PLSCR2: variants seen among roughly 807,000 people sequenced by gnomAD.
PLSCR2 encodes phospholipid scramblase 2.
In PLSCR2, 18 loss-of-function variants were observed where a neutral mutation model predicts 25.3. The ratio of observed to expected loss-of-function variants is 0.71; its 90% confidence interval spans 0.49 to 1.06. PLSCR2 has a LOEUF of 1.06. Ranked by LOEUF, PLSCR2 falls within the 50% of genes least tolerant of loss-of-function variation. PLSCR2 has a pLI of 0.00. For missense variants in PLSCR2, 243 were observed against 269.5 expected (o/e 0.90, Z 0.69); for synonymous variants, 88 against 87.3 (o/e 1.01, Z -0.04).
chr3:146,394,329 G>A (rs1336186631), intron 3 of PLSCR2, among the ~76,000 whole-genome samples: 1 of 151,818 alleles, frequency 6.6e-6, no homozygotes, highest in Non-Finnish European at 1.5e-5. Flanking sequence ...GTGCAGTGGT[G>A]CAATCTCAGC....
chr3:146,451,114 T>C (rs1004908421), intron 5 of PLSCR2, among the ~76,000 whole-genome samples: 200 of 141,500 alleles, frequency 1.4e-3, no homozygotes, highest in African/African-American at 4.9e-3. Context: ...TTTCTTTTTT[T>C]TTTTTTTTTT....
chr3:146,395,202 G>A (rs897798014), intron 3 of PLSCR2, among the ~76,000 whole-genome samples: 2 of 152,012 alleles, frequency 1.3e-5, no homozygotes, highest in African/African-American at 2.4e-5. Flanking sequence ...CAAATAAAAC[G>A]CTAAACATAT....
At chr3:146,407,537 G>A (rs61018718) in intron 2 of PLSCR2, among the ~76,000 whole-genome samples, 37,766 of 152,012 alleles carry the variant, frequency 0.25, 4,898 homozygotes, top group Admixed American at 0.34. Context: ...CTGGGTGCAG[G>A]TTGTGCACTG....
intron 2 of PLSCR2, among the ~76,000 whole-genome samples, chr3:146,407,553 C>A (rs2038695904): frequency 6.6e-6 from 1 of 152,142 alleles, no homozygotes; most frequent in African/African-American, 2.4e-5. Context: ...CACTGGAGAG[C>A]TGCTTGATCT....
At chr3:146,492,130 T>A (rs558206702) in intron 1 of PLSCR2, among the ~76,000 whole-genome samples, 1 of 152,276 alleles carries the variant, frequency 6.6e-6, no homozygotes, top group South Asian at 2.1e-4. Context: ...CTCAGCTGTA[T>A]GTTCCGACCC....
rs191585674 is a variant in PLSCR2, at chr3:146,441,771, C to T, written c.*21G>A. 1,609 of 1,570,744 alleles carry T rather than the reference C, an allele frequency of 1.0e-3. 32 individuals are homozygous for T. The Admixed American group carries it at 0.025, about 24-fold the overall frequency. On this transcript the variant is annotated 3_prime_UTR_variant, in exon 7 of 7. Coordinates refer to ENST00000610787, the Ensembl canonical transcript of PLSCR2. Reference sequence around the variant, plus strand: ...GAGGAGACTTACATTAATCCACTCCCACACTCTGACATTCCAGTCATTACC... The same window carrying T: ...GAGGAGACTTACATTAATCCACTCCTACACTCTGACATTCCAGTCATTACC...
At chr3:146,430,008 A>G (rs2039490520), downstream of PLSCR2, among the ~76,000 whole-genome samples, 1 of 152,148 alleles carries the variant, frequency 6.6e-6, no homozygotes, top group African/African-American at 2.4e-5. Flanking sequence ...TAAAGAGACA[A>G]TACTCAAAGC....
At chr3:146,440,583 G>C (rs1169090781), downstream of PLSCR2, among the ~76,000 whole-genome samples, 2 of 152,184 alleles carry the variant, frequency 1.3e-5, no homozygotes, top group African/African-American at 2.4e-5. Flanking sequence ...ACAGGTGTGG[G>C]ATGTAATCTC....
At chr3:146,433,589 A>C (rs1425665263) in intron 8 of PLSCR2, 72 bp from the exon 8 acceptor site, 1 of 152,090 alleles carries the variant, frequency 6.6e-6, no homozygotes, top group African/African-American at 2.4e-5. Flanking sequence ...TCTAATCCTC[A>C]TTTTGGGTTG....
chr3:146,429,364 C>T (rs76159849), downstream of PLSCR2, among the ~76,000 whole-genome samples: 314 of 152,214 alleles, frequency 2.1e-3, 1 homozygote, highest in African/African-American at 7.1e-3. Context: ...CAGCGAAGGT[C>T]GGGCTGACAA....
downstream of PLSCR2, among the ~76,000 whole-genome samples, chr3:146,439,957 T>A (rs1203612774): frequency 6.6e-6 from 1 of 152,212 alleles, no homozygotes; most frequent in African/African-American, 2.4e-5. Context: ...GGTTTTGGTG[T>A]GGATGTCCTT....
intron 1 of PLSCR2, among the ~76,000 whole-genome samples, chr3:146,487,099 T>A (rs521583): frequency 6.6e-6 from 1 of 151,988 alleles, no homozygotes; most frequent in Non-Finnish European, 1.5e-5. Flanking sequence ...GAAAAGGCCT[T>A]CAATACCATT....
upstream of PLSCR2, chr3:146,461,988 C>T: frequency 5.7e-6 from 6 of 1,057,000 alleles, no homozygotes; most frequent in Non-Finnish European, 6.7e-6. Flanking sequence ...AACAAGTCAA[C>T]AACACATTTA....
intron 8 of PLSCR2, among the ~76,000 whole-genome samples, chr3:146,435,752 G>A (rs937930047): frequency 6.6e-6 from 1 of 152,080 alleles, no homozygotes; most frequent in African/African-American, 2.4e-5. Context: ...AGTTTCTTTT[G>A]CTGTGCAGAA....
At chr3:146,488,740 A>C (rs1010161665) in intron 1 of PLSCR2, among the ~76,000 whole-genome samples, 2 of 152,118 alleles carry the variant, frequency 1.3e-5, no homozygotes, top group African/African-American at 4.8e-5. Flanking sequence ...AAACTAAACC[A>C]TTGTGGAAGA....
downstream of PLSCR2, among the ~76,000 whole-genome samples, chr3:146,430,043 C>T (rs977833622): frequency 6.6e-6 from 1 of 152,010 alleles, no homozygotes; most frequent in African/African-American, 2.4e-5. Flanking sequence ...AAATTCCGCG[C>T]CTGGCTGGAA....
intron 2 of PLSCR2, among the ~76,000 whole-genome samples, chr3:146,421,330 A>G (rs1344163736): frequency 6.6e-6 from 1 of 151,994 alleles, no homozygotes; most frequent in Non-Finnish European, 1.5e-5. Flanking sequence ...CATATTCTAC[A>G]AAAGAGAGCA....
At chr3:146,484,120 C>T (rs2043256860) in intron 1 of PLSCR2, among the ~76,000 whole-genome samples, 1 of 151,540 alleles carries the variant, frequency 6.6e-6, no homozygotes, top group African/African-American at 2.4e-5. Flanking sequence ...CTGAAAAACA[C>T]AGCACAAGAA....
At chr3:146,492,824 A>G (rs904833468) in intron 1 of PLSCR2, among the ~76,000 whole-genome samples, 2 of 152,058 alleles carry the variant, frequency 1.3e-5, no homozygotes, top group African/African-American at 4.8e-5. Flanking sequence ...TGAATATGAG[A>G]TGTGAAAAAC....
Sources: gnomAD v4.1 joint callset for allele counts (sites outside exome capture counted in the v4.1 genomes callset) on GRCh38, gnomAD v4.1.1 for gene constraint, MANE v1.5 for transcripts, NCBI Gene and HGNC (gene_info 2026-07-23, HGNC 2026-07-21) for gene names.